Variants in ZNF665 observed in about 807,000 individuals in gnomAD.
The protein encoded by ZNF665 is zinc finger protein 665.
A neutral mutation model predicts 7.9 loss-of-function variants in ZNF665; 6 were observed. The observed-to-expected ratio is 0.76, with a 90% CI of 0.42 to 1.50. ZNF665 has a LOEUF of 1.50. Among genes scored for constraint, ZNF665 ranks in the 40% most tolerant of loss-of-function variants. The pLI, the probability that ZNF665 is intolerant of heterozygous loss-of-function variation, is 0.01. For missense variants in ZNF665, 819 were observed against 806.7 expected (o/e 1.02, Z -0.18); for synonymous variants, 242 against 274.5 (o/e 0.88, Z 1.17).
In ZNF665 at chr19:53,165,188, C is replaced by G. The variant is rs778462503; in HGVS notation, c.1302G>C (p.Glu434Asp). ...HTGEKPYRCD[E>D]CGKAFSVRSS... ...ATCGCACACTAAAGGCTTTGCCACA[C>G]TCATCACACCTGTAAGGTTTCTCTC... Residue 434 changes from glutamate to aspartate, a missense_variant, in exon 4 of 4, where the codon GAG (glutamate) becomes GAC (aspartate). Physicochemically the swap from Glu to Asp is conservative, Grantham distance 45. Transcript: ENST00000396424. The G allele has an allele frequency of 5.6e-6, 9 of 1,614,104 alleles. No homozygotes were observed. Among genetic ancestry groups the G allele is most frequent in the Non-Finnish European group, 7.6e-6 (9 of 1,179,990 alleles).
At position 53,165,816 on chromosome 19, in the gene ZNF665, T is replaced by C. The variant is rs752958764; in HGVS notation, c.674A>G (p.Gln225Arg). ...FTVRSNLTIH[Q>R]VIHTGEKPYK... is the part of the protein sequence containing the mutation. ...AGGTTTTTCTCCAGTATGGATGACC[T>C]GATGGATTGTTAGGTTTGAACGAAC... The change falls in exon 4 of 4, where the codon CAG (glutamine) becomes CGG (arginine). Residue 225 changes from glutamine to arginine, a missense_variant. Coordinates refer to ENST00000396424, the MANE Select transcript of ZNF665 (RefSeq NM_024733.5). 2 of 1,614,184 alleles carry C rather than the reference T, an allele frequency of 1.2e-6. No individual in the cohort carries two copies. The highest frequency in any genetic ancestry group is 1.7e-6 in the Non-Finnish European group (2 of 1,180,024).
intron 1 of ZNF665, among the ~76,000 whole-genome samples, chr19:53,184,271 TAATA>T (rs1166757126): frequency 1.3e-5 from 2 of 151,998 alleles, no homozygotes; most frequent in Admixed American, 6.6e-5. Flanking sequence ...CTAGAAGAAA[TAATA>T]AATAATTTTT....
At position 53,163,785 on chromosome 19, in the gene ZNF665, T is replaced by C. The variant is rs964825654; in HGVS notation, c.*668A>G. Reference sequence around the variant, plus strand: ...ATTTGGACTTCTGATTATGCTGAAGTATATAATATCAGAGGGTTATGAGGA... The same window carrying C: ...ATTTGGACTTCTGATTATGCTGAAGCATATAATATCAGAGGGTTATGAGGA... On this transcript the variant is annotated 3_prime_UTR_variant, in exon 4 of 4. Coordinates refer to ENST00000396424, the MANE Select transcript of ZNF665 (RefSeq NM_024733.5). 1 of 152,218 alleles carries C rather than the reference T, an allele frequency of 6.6e-6. No homozygotes were observed. Among genetic ancestry groups the C allele is most frequent in the Non-Finnish European group, 1.5e-5 (1 of 68,040 alleles). 9.4% of individuals were successfully genotyped at this position (152,218 alleles called of 1,614,324 possible). A position where few individuals can be genotyped will look rare whatever the true frequency, so the allele number is the denominator to read the frequency against.
intron 1 of ZNF665, among the ~76,000 whole-genome samples, chr19:53,189,774 G>A (rs952445056): frequency 1.3e-5 from 2 of 151,220 alleles, no homozygotes; most frequent in Admixed American, 6.6e-5. Context: ...ACTCCCCCGG[G>A]GAAAGGGAGA....
chr19:53,189,482 C>G (rs1236079041), intron 1 of ZNF665, among the ~76,000 whole-genome samples: 2 of 146,772 alleles, frequency 1.4e-5, no homozygotes, highest in African/African-American at 5.1e-5. Flanking sequence ...ACAGGGGGCC[C>G]TTCCCTGCCT....
intron 3 of ZNF665, among the ~76,000 whole-genome samples, chr19:53,170,493 T>C (rs1464715567): frequency 5.9e-5 from 9 of 152,228 alleles, no homozygotes; most frequent in Admixed American, 3.9e-4. Context: ...CTTCTTTCTA[T>C]GAGTTCAAGA....
chr19:53,182,854 C>T (rs2090748151), intron 2 of ZNF665, 30 bp downstream of exon 2: 1 of 1,613,086 alleles, frequency 6.2e-7, no homozygotes. Context: ...AGGAAGGAGA[C>T]AGAACAATCC....
Position 53,165,350 on chromosome 19 carries a change from C to G in ZNF665, c.1140G>C (p.Gly380=), listed in dbSNP as rs772335001. Residue 380 remains glycine (G), a synonymous_variant, in exon 4 of 4, where the codon GGG becomes GGC. Coordinates refer to ENST00000396424, the MANE Select transcript of ZNF665 (RefSeq NM_024733.5). ...AGTTTGAATGCATACTGAAGGCTTTCCCACACTCATTACACTTGTAAGGTT... is the reference window on the plus strand; with the variant it reads ...AGTTTGAATGCATACTGAAGGCTTTGCCACACTCATTACACTTGTAAGGTT... ...GEKPYKCNEC[G]KAFSMHSNLT... The G allele has an allele frequency of 3.7e-6, 6 of 1,613,604 alleles. No individual in the cohort carries two copies. The African/African-American group carries it at 8.0e-5, about 22-fold the overall frequency.
In ZNF665 at chr19:53,167,934, C is replaced by T. The variant is rs183658519; in HGVS notation, c.143-1587G>A. Among the ~76,000 whole-genome samples the T allele has an allele frequency of 2.9e-3, 424 of 146,984 alleles. 4 individuals carry two copies. The highest frequency in any genetic ancestry group is 9.8e-3 in the African/African-American group (400 of 40,858). ...CGCCATGCGTTGTGGCGGGCGCCTG[C>T]AGTCCCAGCTACTCGGGAGGCTGAG... On this transcript the variant is annotated intron_variant, in intron 3 of 3. Transcript: ENST00000396424.
In ZNF665 at chr19:53,166,229, G is replaced by C; in HGVS notation, c.261C>G (p.Ser87=). 6.2e-7 allele frequency: 1 copy of C among 1,613,962 alleles called. No homozygotes were observed. Among genetic ancestry groups the C allele is most frequent in the Non-Finnish European group, 8.5e-7 (1 of 1,179,878 alleles). The stretch of plus-strand genomic sequence containing the variant: ...ATGTATTTTTCTGAACTTCCTGGAA[G>C]GACAAGCCTACAGTGTCACAGCTTT... The part of the protein sequence containing the change: ...RLESCDTVGL[S]FQEVQKNTYD... The change falls in exon 4 of 4, where the codon TCC becomes TCG. Residue 87 remains serine (S), a synonymous_variant. Transcript: ENST00000396424.
intron 1 of ZNF665, among the ~76,000 whole-genome samples, chr19:53,191,492 T>C (rs1196624733): frequency 1.3e-5 from 2 of 152,232 alleles, no homozygotes; most frequent in Non-Finnish European, 1.5e-5. Flanking sequence ...GACAAAACTT[T>C]TGTGATTCTC....
intron 1 of ZNF665, among the ~76,000 whole-genome samples, chr19:53,191,523 A>C (rs1439320290): frequency 6.6e-6 from 1 of 152,224 alleles, no homozygotes; most frequent in East Asian, 1.9e-4. Flanking sequence ...CCATAACAGA[A>C]ACAAAATATA....
rs185387778 is a variant in ZNF665 at position 53,169,139 on chromosome 19, G to A, written c.143-2792C>T. On this transcript the variant is annotated intron_variant, in intron 3 of 3. Transcript: ENST00000396424. ...TAAAAGAATGAAGACTCGGACTGAG[G>A]GAAAATATTCACAAAGCACAAATCT... Among the ~76,000 whole-genome samples, 99 of 151,978 alleles carry A rather than the reference G, an allele frequency of 6.5e-4. 1 individual carries two copies. Among genetic ancestry groups the A allele is most frequent in the African/African-American group, 2.2e-3 (92 of 41,444 alleles).
Position 53,164,775 on chromosome 19 carries a change from C to T in ZNF665, c.1715G>A (p.Cys572Tyr). Reference protein sequence around the residue: ...RIHTGEKPYKCNECGKAFSVH... With the variant: ...RIHTGEKPYKYNECGKAFSVH... ...ACTAAATGCTTTGCCGCACTCATTA[C>T]ACTTATAAGGTTTCTCACCAGTGTG... The change falls in exon 4 of 4, where the codon TGT becomes TAT. Residue 572 changes from cysteine (C) to tyrosine (Y), a missense_variant. Coordinates refer to ENST00000396424, the MANE Select transcript of ZNF665 (RefSeq NM_024733.5). 6.2e-7 allele frequency: 1 copy of T among 1,614,238 alleles called. No homozygotes were observed. Among genetic ancestry groups the T allele is most frequent in the Non-Finnish European group, 8.5e-7 (1 of 1,180,040 alleles).
rs73583202 is a variant in ZNF665, at chr19:53,184,635, G to A, written c.-45-1692C>T. ...AGGAAGGGCATGGGTTGTAGGGTCC[G>A]GCCCCACAGGATTGGTGGGTTTTCT... On this transcript the variant is annotated intron_variant, in intron 1 of 3. Coordinates refer to ENST00000396424, the MANE Select transcript of ZNF665 (RefSeq NM_024733.5). 7.4e-3 allele frequency among the ~76,000 whole-genome samples: 1,126 copies of A among 152,276 alleles called. 19 individuals are homozygous for A. Among genetic ancestry groups the A allele is most frequent in the African/African-American group, 0.026 (1,063 of 41,564 alleles).
Position 53,166,087 on chromosome 19 carries a change from T to C in ZNF665, c.403A>G (p.Arg135Gly). 1 of 1,614,086 alleles carries C rather than the reference T, an allele frequency of 6.2e-7. No homozygotes were observed. Among genetic ancestry groups the C allele is most frequent in the Non-Finnish European group, 8.5e-7 (1 of 1,179,944 alleles). The change falls in exon 4 of 4, where the codon AGG becomes GGG. Residue 135 changes from arginine to glycine, a missense_variant. Arg to Gly is a moderately radical substitution (Grantham distance 125). Coordinates refer to ENST00000396424, the MANE Select transcript of ZNF665 (RefSeq NM_024733.5). Reference sequence around the variant, plus strand: ...ACTCCAAGCTGATTTTCAATATGCCTGTTTCCTGCAGCCCTTCTATCACGT... The same window carrying C: ...ACTCCAAGCTGATTTTCAATATGCCCGTTTCCTGCAGCCCTTCTATCACGT... ...AQRDRRAAGN[R>G]HIENQLGVSF... is the part of the protein sequence containing the mutation.
Position 53,165,904 on chromosome 19 carries a change from G to A in ZNF665, c.586C>T (p.His196Tyr). Residue 196 changes from histidine to tyrosine, a missense_variant, in exon 4 of 4, where the codon CAT becomes TAT. Physicochemically the swap from His to Tyr is moderately conservative, Grantham distance 83. Transcript: ENST00000396424. ...TTCTCTCCAGTATGAATTCTCTTATGACTTGTTAGCCGTGAGTTTTGACTG... is the reference window on the plus strand; with the variant it reads ...TTCTCTCCAGTATGAATTCTCTTATAACTTGTTAGCCGTGAGTTTTGACTG... Reference protein sequence around the residue: ...VFSQNSRLTSHKRIHTGEKPY... With the variant: ...VFSQNSRLTSYKRIHTGEKPY... 6.2e-7 allele frequency: 1 copy of A among 1,614,156 alleles called. No individual in the cohort carries two copies. Among genetic ancestry groups the A allele is most frequent in the East Asian group, 2.2e-5 (1 of 44,874 alleles).
chr19:53,169,681 C>CG (rs929832504), intron 3 of ZNF665, among the ~76,000 whole-genome samples: 62 of 151,924 alleles, frequency 4.1e-4, no homozygotes, highest in African/African-American at 1.3e-3. Context: ...TATCCCTCCC[C>CG]CTTCCCCCCA....
chr19:53,189,826 A>C (rs1320081215), intron 1 of ZNF665, among the ~76,000 whole-genome samples: 3 of 151,890 alleles, frequency 2.0e-5, no homozygotes, highest in Non-Finnish European at 4.4e-5. Context: ...TTTTCATTTG[A>C]CACTTACGCT....
Sources: allele counts gnomAD v4.1 joint callset (sites outside exome capture counted in the v4.1 genomes callset), GRCh38; gene constraint gnomAD v4.1.1; transcripts MANE v1.5; gene names NCBI Gene and HGNC (gene_info 2026-07-23, HGNC 2026-07-21).